NDUFV3: variants seen among roughly 807,000 people sequenced by gnomAD.
NDUFV3 encodes NADH dehydrogenase [ubiquinone] flavoprotein 3, mitochondrial.
Under a neutral mutation model 37.5 loss-of-function variants are expected in NDUFV3, and 44 were observed. The ratio of observed to expected loss-of-function variants is 1.17; its 90% CI spans 0.92 to 1.51. NDUFV3 has a LOEUF of 1.51. NDUFV3 is among the 40% of genes most tolerant of loss of function. The pLI is 0.00. For missense variants in NDUFV3, 580 were observed against 580.4 expected (o/e 1.00, Z 0.01); for synonymous variants, 235 against 239.3 (o/e 0.98, Z 0.17).
Position 42,894,353 on chromosome 21 carries a change from ATATATAT to A in NDUFV3, c.48+980_48+986del, listed in dbSNP as rs1308102755. 1.3e-4 allele frequency among the ~76,000 whole-genome samples: 5 copies of A among 39,782 alleles called. 1 individual carries two copies. In the Admixed American group the frequency reaches 1.3e-3, roughly 10 times the overall value. The allele number at this position is 39,782 out of a possible 152,430, so 26.1% of individuals were successfully genotyped here. A position where few individuals can be genotyped will look rare whatever the true frequency, so the allele number is the denominator to read the frequency against. Reference sequence around the variant, plus strand: ...TACATATTATATATATTATATATAAATATATATTATATATATATTTATATAATATGTA... The same window carrying A: ...TACATATTATATATATTATATATAAATATATATATATTTATATAATATGTA... On this transcript the variant is annotated intron_variant, in intron 1 of 3. Coordinates refer to ENST00000354250, the MANE Select transcript of NDUFV3 (RefSeq NM_021075.4).
At chr21:42,907,504 G>A (rs1016336017) in intron 3 of NDUFV3, among the ~76,000 whole-genome samples, 5 of 147,922 alleles carry the variant, frequency 3.4e-5, no homozygotes, top group Non-Finnish European at 7.4e-5. Flanking sequence ...AGGCTGGAGT[G>A]CAGTGATGCA....
In NDUFV3 at chr21:42,909,495, C is replaced by T. The variant is rs2058759731; in HGVS notation, c.*474C>T. 1 of 210,404 alleles carries T rather than the reference C, an allele frequency of 4.8e-6. No individual in the cohort carries two copies. 13.0% of individuals were successfully genotyped at this position (210,404 alleles called of 1,614,324 possible). A position where few individuals can be genotyped will look rare whatever the true frequency, so the allele number is the denominator to read the frequency against. ...AATTAGCAACAGTAACACTGATTATCCAACATATATTTTGGAATATCTACT... is the reference window on the plus strand; with the variant it reads ...AATTAGCAACAGTAACACTGATTATTCAACATATATTTTGGAATATCTACT... On this transcript the variant is annotated 3_prime_UTR_variant, in exon 4 of 4. Transcript: ENST00000354250.
rs368453726 is a variant in NDUFV3, at chr21:42,909,031, G to T, written c.*10G>T. On this transcript the variant is annotated 3_prime_UTR_variant, in exon 4 of 4. Transcript: ENST00000354250. Reference sequence around the variant, plus strand: ...GTCACCTCGACACTGAGGGCCCTCGGTGTGAAGATGAACCTTCCACCGTCT... The same window carrying T: ...GTCACCTCGACACTGAGGGCCCTCGTTGTGAAGATGAACCTTCCACCGTCT... 1 of 1,612,934 alleles carries T rather than the reference G, an allele frequency of 6.2e-7. No individual in the cohort carries two copies. Among genetic ancestry groups the T allele is most frequent in the Non-Finnish European group, 8.5e-7 (1 of 1,179,742 alleles).
chr21:42,908,860 G>A lies in NDUFV3; in HGVS notation c.1265-4G>A, dbSNP rs777101982. The stretch of plus-strand genomic sequence containing the variant: ...GTCTCATGGGCATCGTGTTTCCTCC[G>A]CAGAGCCAGCCCCAGTGCCTGCTGA... On this transcript the variant is annotated splice_polypyrimidine_tract_variant and splice_region_variant and intron_variant, in intron 3 of 3. Coordinates refer to ENST00000354250, the MANE Select transcript of NDUFV3 (RefSeq NM_021075.4). 8.7e-6 allele frequency: 14 copies of A among 1,613,948 alleles called. No individual in the cohort carries two copies. The highest frequency in any genetic ancestry group is 2.7e-5 in the African/African-American group (2 of 74,868).
At chr21:42,897,833 T>TA (rs2058700414) in intron 2 of NDUFV3, among the ~76,000 whole-genome samples, 1 of 151,210 alleles carries the variant, frequency 6.6e-6, no homozygotes, top group African/African-American at 2.4e-5. Context: ...CCCACCACCA[T>TA]GCCCAGCTAA....
intron 3 of NDUFV3, among the ~76,000 whole-genome samples, chr21:42,907,829 A>ATTCT (rs2058748540): frequency 6.6e-6 from 1 of 150,828 alleles, no homozygotes; most frequent in Non-Finnish European, 1.5e-5. Flanking sequence ...GAGCTCAAGC[A>ATTCT]ATCCTCCCAC....
At chr21:42,906,803 C>T in intron 3 of NDUFV3, 1 of 510,708 alleles carries the variant, frequency 2.0e-6, no homozygotes, top group Non-Finnish European at 3.9e-6. Context: ...TTATCACCCT[C>T]CCTATAGTAA....
intron 3 of NDUFV3, among the ~76,000 whole-genome samples, chr21:42,905,132 A>G (rs2058735828): frequency 6.6e-6 from 1 of 151,964 alleles, no homozygotes; most frequent in South Asian, 2.1e-4. Flanking sequence ...ACTCTTCACT[A>G]TTTCTTAACC....
intron 2 of NDUFV3, among the ~76,000 whole-genome samples, chr21:42,901,601 CAAA>C (rs575329197): frequency 1.6e-5 from 2 of 123,196 alleles, no homozygotes; most frequent in Admixed American, 8.5e-5. Flanking sequence ...GACTCCATCT[CAAA>C]AAAAAAAAAA....
intron 1 of NDUFV3, among the ~76,000 whole-genome samples, chr21:42,895,115 TG>T (rs2146146146): frequency 6.6e-6 from 1 of 152,270 alleles, no homozygotes; most frequent in East Asian, 1.9e-4. Flanking sequence ...CCCAGTACTT[TG>T]GGAGGCCAAG....
chr21:42,904,451 C>G (rs2058732995), intron 3 of NDUFV3, among the ~76,000 whole-genome samples, 175 bp downstream of exon 3: 1 of 151,858 alleles, frequency 6.6e-6, no homozygotes, highest in African/African-American at 2.4e-5. Flanking sequence ...TATGGACAAT[C>G]CACATCTTTA....
intron 2 of NDUFV3, among the ~76,000 whole-genome samples, chr21:42,899,083 C>T (rs1291984177): frequency 1.3e-5 from 2 of 152,132 alleles, no homozygotes; most frequent in Non-Finnish European, 2.9e-5. Context: ...TGCCTCTGTC[C>T]TTGACGGGCC....
At position 42,895,614 on chromosome 21, in the gene NDUFV3, T is replaced by C. The variant is rs527244161; in HGVS notation, c.49-1313T>C. ...TTGCAGTGAGCCAAGATTGAGCCAC[T>C]GCACTCCAGCCTGGGAGTCAGAGTG... On this transcript the variant is annotated intron_variant, in intron 1 of 3. Transcript: ENST00000354250. Among the ~76,000 whole-genome samples the C allele has an allele frequency of 2.2e-3, 330 of 148,214 alleles. 1 individual carries two copies. The highest frequency in any genetic ancestry group is 7.8e-3 in the African/African-American group (314 of 40,110).
rs1260296879 is a variant in NDUFV3 at position 42,901,051 on chromosome 21, A to G, written c.170-2131A>G. ...GTATGTCCAGAAGCCACAGTTAATT[A>G]TCCATTTGAAGTCCTTGTTTCAGTT... On this transcript the variant is annotated intron_variant, in intron 2 of 3. Coordinates refer to ENST00000354250, the MANE Select transcript of NDUFV3 (RefSeq NM_021075.4). Among the ~76,000 whole-genome samples, 3 of 152,196 alleles carry G rather than the reference A, an allele frequency of 2.0e-5. No homozygotes were observed. The East Asian group carries it at 5.8e-4, about 29-fold the overall frequency.
At chr21:42,897,509 G>A (rs551438718) in intron 2 of NDUFV3, among the ~76,000 whole-genome samples, 1 of 152,304 alleles carries the variant, frequency 6.6e-6, no homozygotes, top group East Asian at 1.9e-4. Context: ...GACTAGCTGG[G>A]ACTACAGGCA....
At chr21:42,897,889 G>A (rs1489733265) in intron 2 of NDUFV3, among the ~76,000 whole-genome samples, 2 of 151,874 alleles carry the variant, frequency 1.3e-5, no homozygotes, top group Non-Finnish European at 2.9e-5. Context: ...TGTTAGCCGG[G>A]ATGGTCTTGA....
chr21:42,895,057 T>C (rs1260601939), intron 1 of NDUFV3, among the ~76,000 whole-genome samples: 1 of 152,100 alleles, frequency 6.6e-6, no homozygotes, highest in African/African-American at 2.4e-5. Context: ...TAAGAAAACA[T>C]TTTACAGAAA....
At chr21:42,906,427 C>A (rs1027530429) in intron 3 of NDUFV3, among the ~76,000 whole-genome samples, 1 of 152,122 alleles carries the variant, frequency 6.6e-6, no homozygotes, top group Non-Finnish European at 1.5e-5. Context: ...GTTTTCCCCC[C>A]TCTCCGTCTG....
In NDUFV3 at chr21:42,909,012, T is replaced by C. The variant is rs1245430794; in HGVS notation, c.1413T>C (p.Pro471=). The change falls in exon 4 of 4, where the codon CCT becomes CCC. Residue 471 remains proline, a synonymous_variant. Transcript: ENST00000354250. ...MPQPSSGRES[P]RH ...AGCCCTCCTCAGGCCGGGAGTCACC[T>C]CGACACTGAGGGCCCTCGGTGTGAA... The C allele has an allele frequency of 6.2e-7, 1 of 1,613,528 alleles. No homozygotes were observed. Among genetic ancestry groups the C allele is most frequent in the Non-Finnish European group, 8.5e-7 (1 of 1,179,944 alleles).
Sources: gnomAD v4.1 joint callset for allele counts (sites outside exome capture counted in the v4.1 genomes callset) on GRCh38, gnomAD v4.1.1 for gene constraint, MANE v1.5 for transcripts, NCBI Gene and HGNC (gene_info 2026-07-23, HGNC 2026-07-21) for gene names.